The following SEMA6D variants were observed in gnomAD, a reference collection of about 807,000 sequenced individuals.
SEMA6D encodes the protein semaphorin-6D.
A neutral mutation model predicts 106.6 loss-of-function variants in SEMA6D; 35 were observed. The ratio of observed to expected loss-of-function variants is 0.33; its 90% CI spans 0.25 to 0.44. The LOEUF (loss-of-function observed/expected upper bound fraction) is 0.44, where lower values mean the gene tolerates loss of function less well. Among genes scored for constraint, SEMA6D ranks in the 20% least tolerant of loss-of-function variants. SEMA6D has a pLI of 1.00. For synonymous variants in SEMA6D, 499 were observed against 487.7 expected (o/e 1.02, Z -0.31); for missense variants, 1,185 against 1,345.9 (o/e 0.88, Z 1.87).
intron 1 of SEMA6D, among the ~76,000 whole-genome samples, chr15:47,377,123 C>A (rs2039475558): frequency 6.6e-6 from 1 of 151,834 alleles, no homozygotes; most frequent in Non-Finnish European, 1.5e-5. Flanking sequence ...TTTATTTGAC[C>A]CACCTTGAAT....
intron 4 of SEMA6D, among the ~76,000 whole-genome samples, chr15:47,690,343 A>G (rs1566989380): frequency 6.6e-6 from 1 of 152,162 alleles, no homozygotes. Context: ...TTAGTCTTTA[A>G]TGATAGATGG....
intron 1 of SEMA6D, among the ~76,000 whole-genome samples, chr15:47,284,139 T>C (rs1409021639): frequency 6.6e-6 from 1 of 152,186 alleles, no homozygotes; most frequent in Admixed American, 6.5e-5. Flanking sequence ...CAGGAATCCT[T>C]TTTTAAAAAA....
intron 3 of SEMA6D, among the ~76,000 whole-genome samples, chr15:47,498,866 G>T (rs957736553): frequency 5.3e-5 from 8 of 152,100 alleles, no homozygotes; most frequent in African/African-American, 1.9e-4. Flanking sequence ...CAGTCTCAGG[G>T]TAGATATTCC....
At chr15:47,651,131 T>G (rs1027193866) in intron 4 of SEMA6D, among the ~76,000 whole-genome samples, 1 of 152,176 alleles carries the variant, frequency 6.6e-6, no homozygotes, top group African/African-American at 2.4e-5. Context: ...AAATTTGTCC[T>G]GGGCATGATG....
intron 1 of SEMA6D, among the ~76,000 whole-genome samples, chr15:47,259,521 G>A (rs1182171408): frequency 6.6e-6 from 1 of 151,180 alleles, no homozygotes; most frequent in Non-Finnish European, 1.5e-5. Flanking sequence ...GGCCTCTCTG[G>A]TTTCTGATGA....
At chr15:47,475,720 T>C (rs1425242413) in intron 3 of SEMA6D, among the ~76,000 whole-genome samples, 1 of 152,236 alleles carries the variant, frequency 6.6e-6, no homozygotes, top group Non-Finnish European at 1.5e-5. Context: ...TTAATTATTT[T>C]GTTTGAAATT....
intron 3 of SEMA6D, among the ~76,000 whole-genome samples, chr15:47,550,779 T>C (rs2045662258): frequency 6.6e-6 from 1 of 152,154 alleles, no homozygotes; most frequent in African/African-American, 2.4e-5. Context: ...TGTATTATTG[T>C]CTCATTCATT....
At chr15:47,667,173 C>T (rs1449182557) in intron 4 of SEMA6D, among the ~76,000 whole-genome samples, 4 of 152,240 alleles carry the variant, frequency 2.6e-5, no homozygotes, top group East Asian at 3.9e-4. Flanking sequence ...CTACAGAATC[C>T]GTGGGCATAA....
At chr15:47,569,658 T>G (rs1272208145) in intron 3 of SEMA6D, among the ~76,000 whole-genome samples, 1 of 152,126 alleles carries the variant, frequency 6.6e-6, no homozygotes, top group Admixed American at 6.5e-5. Flanking sequence ...CTTCCACCTT[T>G]AAAGGAATAC....
intron 3 of SEMA6D, among the ~76,000 whole-genome samples, chr15:47,516,997 G>A (rs2044409054): frequency 6.6e-6 from 1 of 152,194 alleles, no homozygotes; most frequent in Non-Finnish European, 1.5e-5. Flanking sequence ...AGTGCAGAGA[G>A]CTGCTTTCTA....
intron 1 of SEMA6D, among the ~76,000 whole-genome samples, chr15:47,248,345 C>T (rs572569090): frequency 1.1e-4 from 16 of 152,108 alleles, no homozygotes; most frequent in African/African-American, 2.9e-4. Flanking sequence ...AAAACATTAA[C>T]GTGAAGAAAA....
chr15:47,343,235 G>A (rs1046887541), intron 1 of SEMA6D, among the ~76,000 whole-genome samples: 3 of 111,778 alleles, frequency 2.7e-5, no homozygotes, highest in African/African-American at 1.5e-4. Flanking sequence ...AAAAACGATG[G>A]ATTAGTTGGA....
At chr15:47,354,576 TAC>T (rs1294286935) in intron 1 of SEMA6D, among the ~76,000 whole-genome samples, 4 of 150,410 alleles carry the variant, frequency 2.7e-5, no homozygotes, top group South Asian at 2.1e-4. Flanking sequence ...CATATATATA[TAC>T]ACACACATAT....
In SEMA6D at chr15:47,695,179, A is replaced by G. The variant is rs2078672766; in HGVS notation, c.-54-64566A>G. Among the ~76,000 whole-genome samples, 3 of 152,098 alleles carry G rather than the reference A, an allele frequency of 2.0e-5. No homozygotes were observed. The South Asian group carries it at 6.2e-4, about 31-fold the overall frequency. Reference sequence around the variant, plus strand: ...CCAAATGTAAATCAAGATTCTGTGGACTCAAGCTGATTTATAATATTAATG... The same window carrying G: ...CCAAATGTAAATCAAGATTCTGTGGGCTCAAGCTGATTTATAATATTAATG... On this transcript the variant is annotated intron_variant, in intron 4 of 19. Transcript: ENST00000558014.
intron 1 of SEMA6D, among the ~76,000 whole-genome samples, chr15:47,198,493 A>G (rs1894507713): frequency 6.6e-6 from 1 of 152,138 alleles, no homozygotes; most frequent in Non-Finnish European, 1.5e-5. Flanking sequence ...GTCTAGGATC[A>G]TGTTGATTCC....
intron 2 of SEMA6D, among the ~76,000 whole-genome samples, chr15:47,421,924 A>G (rs1321903723): frequency 6.6e-6 from 1 of 152,096 alleles, no homozygotes; most frequent in Non-Finnish European, 1.5e-5. Context: ...TTAATAAAAT[A>G]AAATTCTATT....
In SEMA6D at chr15:47,532,795, A is replaced by G. The variant is rs566154240; in HGVS notation, c.-87+62250A>G. Among the ~76,000 whole-genome samples, 8 of 152,310 alleles carry G rather than the reference A, an allele frequency of 5.3e-5. 1 individual carries two copies. The highest frequency in any genetic ancestry group is 1.9e-4 in the African/African-American group (8 of 41,568). ...TTCATTGAAATCTTTCATTTAGCTGAATATTCCATATCTGAGTACAGCTGG... is the reference window on the plus strand; with the variant it reads ...TTCATTGAAATCTTTCATTTAGCTGGATATTCCATATCTGAGTACAGCTGG... On this transcript the variant is annotated intron_variant, in intron 3 of 19. Transcript: ENST00000558014.
intron 1 of SEMA6D, among the ~76,000 whole-genome samples, chr15:47,339,627 G>T (rs2037727827): frequency 6.6e-6 from 1 of 152,198 alleles, no homozygotes; most frequent in Admixed American, 6.5e-5. Context: ...CCAGCACTTT[G>T]GGAGGCAAGG....
intron 3 of SEMA6D, among the ~76,000 whole-genome samples, chr15:47,531,409 A>G (rs2044960756): frequency 6.6e-6 from 1 of 152,260 alleles, no homozygotes; most frequent in East Asian, 1.9e-4. Context: ...TACATGGCCA[A>G]ACATACTGGA....
Sources: allele counts gnomAD v4.1 joint callset (sites outside exome capture counted in the v4.1 genomes callset), GRCh38; gene constraint gnomAD v4.1.1; transcripts MANE v1.5; gene names NCBI Gene and HGNC (gene_info 2026-07-23, HGNC 2026-07-21).